CALN1: variants seen among roughly 807,000 people sequenced by gnomAD.
The protein encoded by CALN1 is calneuron 1.
In CALN1, 17 loss-of-function variants were observed where a neutral mutation model predicts 30.6. The observed-to-expected ratio is 0.56, with a 90% CI of 0.38 to 0.83. CALN1 has a LOEUF of 0.83. Among genes scored for constraint, CALN1 ranks in the 40% least tolerant of loss-of-function variants. CALN1 has a pLI of 0.00. For missense variants in CALN1, 291 were observed against 354.9 expected, an observed-to-expected ratio of 0.82 and a Z score of 1.45; for synonymous variants, 156 against 131.4, an observed-to-expected ratio of 1.19 and a Z score of -1.28.
At chr7:71,804,661 A>G (rs1476989688) in intron 6 of CALN1, among the ~76,000 whole-genome samples, 2 of 152,098 alleles carry the variant, frequency 1.3e-5, no homozygotes, top group Non-Finnish European at 2.9e-5. Context: ...TCTACTAAAA[A>G]TACAAAAATG....
At chr7:72,372,607 T>C (rs1308926973) in intron 2 of CALN1, among the ~76,000 whole-genome samples, 1 of 151,988 alleles carries the variant, frequency 6.6e-6, no homozygotes, top group Non-Finnish European at 1.5e-5. Flanking sequence ...AACAATGGAG[T>C]AGACAATAGC....
intron 2 of CALN1, among the ~76,000 whole-genome samples, chr7:72,366,557 A>G (rs892764538): frequency 1.2e-4 from 18 of 152,066 alleles, no homozygotes; most frequent in African/African-American, 3.4e-4. Context: ...TTAGTGCTGA[A>G]TTCTGAGATT....
upstream of CALN1, among the ~76,000 whole-genome samples, chr7:72,412,557 C>T (rs1017812130): frequency 1.3e-5 from 2 of 152,160 alleles, no homozygotes; most frequent in African/African-American, 2.4e-5. Flanking sequence ...TTACAATCCT[C>T]TAGCTAGACA....
chr7:72,162,798 G>C (rs1788211189), intron 3 of CALN1, among the ~76,000 whole-genome samples: 1 of 152,178 alleles, frequency 6.6e-6, no homozygotes, highest in South Asian at 2.1e-4. Flanking sequence ...TTCTTCTGAA[G>C]ATACTCCTCT....
intron 5 of CALN1, among the ~76,000 whole-genome samples, chr7:71,994,286 C>T (rs1309692676): frequency 2.0e-5 from 3 of 151,992 alleles, no homozygotes; most frequent in African/African-American, 4.8e-5. Flanking sequence ...CTGAGGCAGG[C>T]GGATCACCTG....
At chr7:72,069,868 T>C (rs1312800790) in intron 4 of CALN1, among the ~76,000 whole-genome samples, 1 of 152,110 alleles carries the variant, frequency 6.6e-6, no homozygotes, top group Non-Finnish European at 1.5e-5. Context: ...TAAAGTAAAG[T>C]GTTACATAAG....
intron 2 of CALN1, among the ~76,000 whole-genome samples, chr7:72,365,959 C>G (rs1484798465): frequency 1.3e-5 from 2 of 152,054 alleles, no homozygotes; most frequent in Non-Finnish European, 2.9e-5. Flanking sequence ...TGGGCATACC[C>G]TTGGATTCAC....
chr7:72,409,322 T>C lies in CALN1; in HGVS notation c.-74+2736A>G, dbSNP rs546348684. On this transcript the variant is annotated intron_variant, in intron 1 of 6. Coordinates refer to ENST00000395275, the MANE Select transcript of CALN1 (RefSeq NM_031468.4). ...CATACTCTTAAATGGACCTCTGTGCTTGTAACCCATGCACCAGATTGGTTG... is the reference window on the plus strand; with the variant it reads ...CATACTCTTAAATGGACCTCTGTGCCTGTAACCCATGCACCAGATTGGTTG... 7.9e-5 allele frequency among the ~76,000 whole-genome samples: 12 copies of C among 151,890 alleles called. No homozygotes were observed. In the East Asian group the frequency reaches 2.0e-3, roughly 25 times the overall value.
At chr7:72,229,476 T>C (rs2129550476) in intron 3 of CALN1, among the ~76,000 whole-genome samples, 2 of 152,184 alleles carry the variant, frequency 1.3e-5, no homozygotes, top group Middle Eastern at 6.8e-3. Context: ...TAAAGACACA[T>C]GCACACGTAT....
chr7:71,793,114 G>A (rs1217839362), intron 6 of CALN1, among the ~76,000 whole-genome samples: 1 of 152,000 alleles, frequency 6.6e-6, no homozygotes, highest in Non-Finnish European at 1.5e-5. Flanking sequence ...AGACCAGCTT[G>A]GCCAACATAG....
chr7:72,273,581 C>A (rs964725677), intron 3 of CALN1, among the ~76,000 whole-genome samples: 1 of 141,812 alleles, frequency 7.1e-6, no homozygotes, highest in African/African-American at 2.6e-5. Flanking sequence ...TGCAGTAGTA[C>A]AATCATAGCT....
At chr7:71,835,343 A>G (rs918002482) in intron 5 of CALN1, among the ~76,000 whole-genome samples, 1 of 152,132 alleles carries the variant, frequency 6.6e-6, no homozygotes, top group African/African-American at 2.4e-5. Flanking sequence ...AGGAATTACA[A>G]CCCTCTGTTT....
chr7:72,137,108 G>A lies in CALN1; in HGVS notation c.245-30814C>T, dbSNP rs545985222. Among the ~76,000 whole-genome samples the A allele has an allele frequency of 3.3e-5, 5 of 152,316 alleles. No individual in the cohort carries two copies. In the East Asian group the frequency reaches 5.8e-4, roughly 18 times the overall value. The stretch of plus-strand genomic sequence containing the variant: ...TAAGTATATTTAAGGGTTTTGGAAA[G>A]GGGGGCTTGTCATAGGTTTGGAATG... On this transcript the variant is annotated intron_variant, in intron 3 of 6. Transcript: ENST00000395275.
chr7:72,104,172 T>C (rs910133316), intron 4 of CALN1: 2 of 153,448 alleles, frequency 1.3e-5, no homozygotes, highest in Admixed American at 6.5e-5. Flanking sequence ...TCCAAGCTGG[T>C]AGATGAGAAT....
chr7:71,833,322 A>G (rs1328305110), intron 5 of CALN1, among the ~76,000 whole-genome samples: 1 of 152,154 alleles, frequency 6.6e-6, no homozygotes, highest in Non-Finnish European at 1.5e-5. Context: ...TCTCCATACT[A>G]CTTAGCACAC....
At chr7:72,188,363 ACTC>A in intron 3 of CALN1, among the ~76,000 whole-genome samples, 1 of 152,258 alleles carries the variant, frequency 6.6e-6, no homozygotes, top group Middle Eastern at 3.4e-3. Flanking sequence ...ATGGAATACT[ACTC>A]AGCCATAAAA....
intron 3 of CALN1, among the ~76,000 whole-genome samples, chr7:72,149,767 C>T (rs78289450): frequency 0.026 from 3,941 of 152,170 alleles, 180 homozygotes; most frequent in African/African-American, 0.09. Context: ...CAGTGATTGG[C>T]TTCTTGCACA....
intron 2 of CALN1, among the ~76,000 whole-genome samples, chr7:72,333,780 C>T (rs1296013676): frequency 6.6e-6 from 1 of 151,960 alleles, no homozygotes; most frequent in Non-Finnish European, 1.5e-5. Context: ...AAGGGTTTTG[C>T]TGTGGGATTC....
intron 4 of CALN1, among the ~76,000 whole-genome samples, chr7:72,092,889 G>A (rs1048213645): frequency 1.3e-5 from 2 of 152,090 alleles, no homozygotes; most frequent in African/African-American, 4.8e-5. Flanking sequence ...GAGACGGGCT[G>A]GAGTCTCTTT....
Sources: gnomAD v4.1 joint callset for allele counts (sites outside exome capture counted in the v4.1 genomes callset) on GRCh38, gnomAD v4.1.1 for gene constraint, MANE v1.5 for transcripts, NCBI Gene and HGNC (gene_info 2026-07-23, HGNC 2026-07-21) for gene names.